Variants in CUX2 observed in about 807,000 individuals in gnomAD.
CUX2 encodes the protein homeobox protein cut-like 2.
In CUX2, 40 loss-of-function variants were observed where a neutral mutation model predicts 144.8. The ratio of observed to expected loss-of-function variants is 0.28; its 90% CI spans 0.21 to 0.36. CUX2 has a LOEUF of 0.36. CUX2 is among the 10% of genes least tolerant of loss of function. The pLI is 1.00. For missense variants in CUX2, 1,615 were observed against 1,994.0 expected, an observed-to-expected ratio of 0.81 and a Z score of 3.62; for synonymous variants, 827 against 875.6, an observed-to-expected ratio of 0.94 and a Z score of 0.98.
intron 1 of CUX2, among the ~76,000 whole-genome samples, chr12:111,075,198 C>T (rs898624796): frequency 6.6e-6 from 1 of 152,048 alleles, no homozygotes; most frequent in Non-Finnish European, 1.5e-5. Flanking sequence ...TGCTGCCAGG[C>T]ACCCCTGGAG....
At chr12:111,150,678 C>T (rs947861103) in intron 1 of CUX2, among the ~76,000 whole-genome samples, 6 of 150,754 alleles carry the variant, frequency 4.0e-5, no homozygotes, top group Admixed American at 2.6e-4. Flanking sequence ...GAGCAACCAG[C>T]GCCTATTTCT....
Position 111,111,315 on chromosome 12 carries a change from AAG to A in CUX2, c.63+77081_63+77082del, listed in dbSNP as rs1555270293. The stretch of plus-strand genomic sequence containing the variant: ...AGACTCTGTCTCAAAAGAAAAAAAA[AAG>A]AGAGACAATGGCTTTGAACTTGGAT... On this transcript the variant is annotated intron_variant, in intron 1 of 21. Coordinates refer to ENST00000261726, the MANE Select transcript of CUX2 (RefSeq NM_015267.4). Among the ~76,000 whole-genome samples, 3 of 152,074 alleles carry A rather than the reference AAG, an allele frequency of 2.0e-5. No individual in the cohort carries two copies. In the East Asian group the frequency reaches 5.8e-4, roughly 29 times the overall value.
chr12:111,184,890 C>T (rs547370584), intron 1 of CUX2, among the ~76,000 whole-genome samples: 2 of 152,008 alleles, frequency 1.3e-5, no homozygotes, highest in African/African-American at 2.4e-5. Context: ...AGTGAAACCC[C>T]GTCTCTACTA....
intron 1 of CUX2, among the ~76,000 whole-genome samples, chr12:111,175,493 A>G (rs945782758): frequency 6.6e-6 from 1 of 152,170 alleles, no homozygotes. Context: ...GTCAAGTGAC[A>G]TCATAAATTT....
At position 111,069,545 on chromosome 12, in the gene CUX2, T is replaced by C. The variant is rs372272125; in HGVS notation, c.63+35305T>C. Among the ~76,000 whole-genome samples the C allele has an allele frequency of 2.3e-3, 348 of 151,604 alleles. 1 individual carries two copies. Among genetic ancestry groups the C allele is most frequent in the African/African-American group, 8.1e-3 (334 of 41,148 alleles). The stretch of plus-strand genomic sequence containing the variant: ...CTGTGTGTGTGTGTGTGTGTGTGTG[T>C]GTGTGTGCGCGCGCGTGTGTGTGTG... On this transcript the variant is annotated intron_variant, in intron 1 of 21. Coordinates refer to ENST00000261726, the MANE Select transcript of CUX2 (RefSeq NM_015267.4).
chr12:111,096,269 G>A (rs1872810904), intron 1 of CUX2, among the ~76,000 whole-genome samples: 1 of 152,318 alleles, frequency 6.6e-6, no homozygotes, highest in African/African-American at 2.4e-5. Flanking sequence ...ATCAGACCTT[G>A]GAGGTCTCAA....
At chr12:111,224,298 T>G (rs962797367) in intron 3 of CUX2, among the ~76,000 whole-genome samples, 3 of 151,784 alleles carry the variant, frequency 2.0e-5, no homozygotes, top group Non-Finnish European at 4.4e-5. Context: ...TTCTAGTGGG[T>G]CACTTCCTGT....
At chr12:111,334,212 A>G (rs545231412) in intron 18 of CUX2, among the ~76,000 whole-genome samples, 26 of 151,752 alleles carry the variant, frequency 1.7e-4, no homozygotes, top group Non-Finnish European at 2.2e-4. Context: ...ATTGCTAAGC[A>G]TCATGTGGGG....
chr12:111,291,021 C>T (rs1418990818), intron 4 of CUX2, among the ~76,000 whole-genome samples: 1 of 152,032 alleles, frequency 6.6e-6, no homozygotes, highest in Non-Finnish European at 1.5e-5. Context: ...CACCACCACA[C>T]CCGGCTAATT....
At chr12:111,236,365 A>G (rs1373013030) in intron 3 of CUX2, among the ~76,000 whole-genome samples, 7 of 152,218 alleles carry the variant, frequency 4.6e-5, no homozygotes, top group African/African-American at 7.2e-5. Flanking sequence ...CTTGCTACAC[A>G]TACTGACTTT....
intron 3 of CUX2, among the ~76,000 whole-genome samples, chr12:111,232,931 G>T (rs1010539930): frequency 1.3e-5 from 2 of 152,108 alleles, no homozygotes; most frequent in Admixed American, 1.3e-4. Flanking sequence ...TCAGACACTC[G>T]CACATCAAGT....
intron 1 of CUX2, among the ~76,000 whole-genome samples, chr12:111,191,606 G>A (rs1011925545): frequency 2.6e-5 from 4 of 152,172 alleles, no homozygotes; most frequent in African/African-American, 4.8e-5. Context: ...GATTACAGGC[G>A]TGAGCCCCCA....
intron 1 of CUX2, among the ~76,000 whole-genome samples, chr12:111,146,350 CTT>C (rs1019991299): frequency 2.6e-5 from 4 of 152,230 alleles, no homozygotes; most frequent in African/African-American, 9.6e-5. Flanking sequence ...ACTTATCCCT[CTT>C]TCCCCCAACG....
intron 18 of CUX2, among the ~76,000 whole-genome samples, chr12:111,329,137 T>G (rs76059240): frequency 6.7e-6 from 1 of 149,480 alleles, no homozygotes; most frequent in Non-Finnish European, 1.5e-5. Context: ...TGCACCATCC[T>G]TATCTCTCCA....
chr12:111,158,725 G>A (rs375405947), intron 1 of CUX2, among the ~76,000 whole-genome samples: 1 of 152,082 alleles, frequency 6.6e-6, no homozygotes, highest in African/African-American at 2.4e-5. Flanking sequence ...TTATTATATT[G>A]AATAGGGCTA....
rs1453550977 is a variant in CUX2 at position 111,071,871 on chromosome 12, T to A, written c.63+37631T>A. ...CAGCACCATTTGTTGAAAAGACAAA[T>A]ATCTCTTCTCCATTTTATTGCCTTT... On this transcript the variant is annotated intron_variant, in intron 1 of 21. Transcript: ENST00000261726. 2.0e-5 allele frequency among the ~76,000 whole-genome samples: 3 copies of A among 152,204 alleles called. No individual in the cohort carries two copies. The East Asian group carries it at 5.8e-4, about 29-fold the overall frequency.
At chr12:111,335,409 A>G (rs1278261396) in intron 19 of CUX2, among the ~76,000 whole-genome samples, 1 of 150,948 alleles carries the variant, frequency 6.6e-6, no homozygotes, top group Non-Finnish European at 1.5e-5. Context: ...AAAATCAGTC[A>G]ATCAGTAAAA....
chr12:111,055,719 C>T (rs1379144684), intron 1 of CUX2, among the ~76,000 whole-genome samples: 12 of 152,202 alleles, frequency 7.9e-5, no homozygotes, highest in African/African-American at 1.4e-4. Context: ...GCGGTCCCAT[C>T]GGCGCACGTT....
chr12:111,089,107 G>T (rs762082717), intron 1 of CUX2, among the ~76,000 whole-genome samples: 1 of 152,254 alleles, frequency 6.6e-6, no homozygotes, highest in Non-Finnish European at 1.5e-5. Flanking sequence ...TCCAAGTGGA[G>T]ATGCAGTTCT....
Sources: allele counts gnomAD v4.1 joint callset (sites outside exome capture counted in the v4.1 genomes callset), GRCh38; gene constraint gnomAD v4.1.1; transcripts MANE v1.5; gene names NCBI Gene and HGNC (gene_info 2026-07-23, HGNC 2026-07-21).